The following ARFGAP3 variants were observed in gnomAD, a reference collection of about 807,000 sequenced individuals.
ARFGAP3 encodes the protein ADP-ribosylation factor GTPase-activating protein 3.
Under a neutral mutation model 75.0 loss-of-function variants are expected in ARFGAP3, and 72 were observed. The ratio of observed to expected loss-of-function variants is 0.96; its 90% confidence interval spans 0.79 to 1.17. The LOEUF (loss-of-function observed/expected upper bound fraction) is 1.17, where lower values mean the gene tolerates loss of function less well. Ranked by LOEUF, ARFGAP3 falls within the 50% of genes most tolerant of loss-of-function variation. The pLI is 0.00. For missense variants in ARFGAP3, 620 were observed against 626.6 expected (o/e 0.99, Z 0.11); for synonymous variants, 221 against 217.9 (o/e 1.01, Z -0.13).
chr22:42,817,100 C>T (rs1029585348), intron 11 of ARFGAP3, 42 bp downstream of exon 11: 9 of 1,377,886 alleles, frequency 6.5e-6, no homozygotes, highest in Non-Finnish European at 9.3e-6. Flanking sequence ...CTAGTCACTG[C>T]TTTTCAAAAT....
intron 3 of ARFGAP3, among the ~76,000 whole-genome samples, chr22:42,837,259 C>T (rs5758975): frequency 0.65 from 99,244 of 151,954 alleles, 34,243 homozygotes; most frequent in African/African-American, 0.87. Context: ...GCCAGGAATT[C>T]GAGACCAACC....
At position 42,808,850 on chromosome 22, in the gene ARFGAP3, T is replaced by C; in HGVS notation, c.1237A>G (p.Asn413Asp). Residue 413 changes from asparagine to aspartate, a missense_variant, in exon 13 of 16, where the codon AAT (asparagine) becomes GAT (aspartate). Physicochemically the swap from Asn to Asp is conservative, Grantham distance 23. Coordinates refer to ENST00000263245, the MANE Select transcript of ARFGAP3 (RefSeq NM_014570.5). ...AACTTCTTCTGGGCCTCATCTGTAT[T>C]TTCAACTGGCTCATAATCTGGCTTG... Reference protein sequence around the residue: ...RRKPDYEPVENTDEAQKKFGN... With the variant: ...RRKPDYEPVEDTDEAQKKFGN... The C allele has an allele frequency of 6.2e-7, 1 of 1,613,476 alleles. No homozygotes were observed. The highest frequency in any genetic ancestry group is 8.5e-7 in the Non-Finnish European group (1 of 1,179,626).
intron 8 of ARFGAP3, 74 bp from the exon 9 acceptor site, chr22:42,822,483 G>A: frequency 1.3e-6 from 2 of 1,550,458 alleles, no homozygotes. Flanking sequence ...CATTTCCTAA[G>A]GGTTAGGACC....
intron 13 of ARFGAP3, 25 bp downstream of exon 13, chr22:42,808,742 C>T (rs1380580222): frequency 6.3e-7 from 1 of 1,579,250 alleles, no homozygotes; most frequent in Admixed American, 1.7e-5. Context: ...TATGGGGCAC[C>T]CAAAGAAACT....
chr22:42,826,970 C>A lies in ARFGAP3; in HGVS notation c.595G>T (p.Gly199Cys). 2 of 1,613,528 alleles carry A rather than the reference C, an allele frequency of 1.2e-6. No individual in the cohort carries two copies. The highest frequency in any genetic ancestry group is 1.7e-6 in the Non-Finnish European group (2 of 1,179,826). Reference protein sequence around the residue: ...GGQEQGPSVEGLNVPTKATLE... With the variant: ...GGQEQGPSVECLNVPTKATLE... ...GTAGCCTTTGTTGGTACATTAAGAC[C>A]TTCCACACTTGGTCCTTGCTCTTGT... is the stretch of plus-strand genomic sequence containing the variant. The change falls in exon 7 of 16, where the codon GGT (glycine) becomes TGT (cysteine). Residue 199 changes from glycine (G) to cysteine (C), a missense_variant. Gly to Cys is a radical substitution (Grantham distance 159). Transcript: ENST00000263245.
chr22:42,828,556 CAA>C (rs796782607), intron 6 of ARFGAP3, among the ~76,000 whole-genome samples: 2 of 137,690 alleles, frequency 1.5e-5, no homozygotes, highest in Non-Finnish European at 1.6e-5. Context: ...AACTCTGTCT[CAA>C]AAAAAAAAAA....
At chr22:42,845,684 T>C (rs1319889324) in intron 2 of ARFGAP3, among the ~76,000 whole-genome samples, 1 of 152,040 alleles carries the variant, frequency 6.6e-6, no homozygotes, top group Non-Finnish European at 1.5e-5. Flanking sequence ...TGAACAAAAA[T>C]TAATTCAAAA....
chr22:42,805,127 C>T (rs1040666701), intron 14 of ARFGAP3, among the ~76,000 whole-genome samples: 1 of 152,014 alleles, frequency 6.6e-6, no homozygotes, highest in Admixed American at 6.6e-5. Flanking sequence ...TCTGGGTGGC[C>T]TCTCACCCCA....
intron 1 of ARFGAP3, among the ~76,000 whole-genome samples, chr22:42,856,761 G>A (rs1396307197): frequency 6.6e-6 from 1 of 151,674 alleles, no homozygotes; most frequent in East Asian, 1.9e-4. Context: ...TTTCCGAGCC[G>A]GGAGCTCCCT....
At position 42,822,425 on chromosome 22, in the gene ARFGAP3, G is replaced by A; in HGVS notation, c.673-16C>T. 1.2e-6 allele frequency: 2 copies of A among 1,611,782 alleles called. No homozygotes were observed. The highest frequency in any genetic ancestry group is 2.2e-5 in the South Asian group (2 of 90,814). On this transcript the variant is annotated splice_polypyrimidine_tract_variant and intron_variant, in intron 8 of 15. Coordinates refer to ENST00000263245, the MANE Select transcript of ARFGAP3 (RefSeq NM_014570.5). ...TGGCCCCAAGCTAGAACATATATAAGACTATAGTCTACACGAGCTGTTTGA... is the reference window on the plus strand; with the variant it reads ...TGGCCCCAAGCTAGAACATATATAAAACTATAGTCTACACGAGCTGTTTGA...
At position 42,847,574 on chromosome 22, in the gene ARFGAP3, A is replaced by G. The variant is rs766838600; in HGVS notation, c.128T>C (p.Phe43Ser). ...GGACCCTGAGCAATCAATGCAAAGG[A>G]ACACTCCATAGGTTATGCTTGCCCA... ...PSWASITYGV[F>S]LCIDCSGSHR... is the part of the protein sequence containing the mutation. The change falls in exon 2 of 16, where the codon TTC becomes TCC. Residue 43 changes from phenylalanine (F) to serine (S), a missense_variant. Phe to Ser is a radical substitution (Grantham distance 155, BLOSUM62 -2). Coordinates refer to ENST00000263245, the MANE Select transcript of ARFGAP3 (RefSeq NM_014570.5). 39 of 1,613,916 alleles carry G rather than the reference A, an allele frequency of 2.4e-5. No homozygotes were observed. Among genetic ancestry groups the G allele is most frequent in the Admixed American group, 1.0e-4 (6 of 59,982 alleles).
At chr22:42,847,988 C>T (rs1927097523) in intron 1 of ARFGAP3, among the ~76,000 whole-genome samples, 2 of 151,494 alleles carry the variant, frequency 1.3e-5, no homozygotes, top group Non-Finnish European at 2.9e-5. Context: ...CCTCAGCCTC[C>T]GGAGTAGCTG....
intron 13 of ARFGAP3, among the ~76,000 whole-genome samples, chr22:42,807,774 C>T (rs531929985): frequency 2.2e-4 from 34 of 151,856 alleles, no homozygotes; most frequent in Non-Finnish European, 4.3e-4. Context: ...CAAGACTTCA[C>T]TATGATGAGT....
Position 42,807,079 on chromosome 22 carries a change from G to T in ARFGAP3, c.1405C>A (p.Pro469Thr). The T allele has an allele frequency of 6.2e-7, 1 of 1,610,226 alleles. No homozygotes were observed. The highest frequency in any genetic ancestry group is 8.5e-7 in the Non-Finnish European group (1 of 1,178,362). Residue 469 changes from proline to threonine, a missense_variant, in exon 14 of 16, where the codon CCA becomes ACA. Physicochemically the swap from Pro to Thr is conservative, Grantham distance 38 (BLOSUM62 -1). Coordinates refer to ENST00000263245, the MANE Select transcript of ARFGAP3 (RefSeq NM_014570.5). ...CTTGTTCAGTGCCCCCTACCTGCTG[G>T]CTGCTTCCTCGGCTCCTCGAACAGA... is the stretch of plus-strand genomic sequence containing the variant. ...ADLFEEPRKQ[P>T]AGNYSLSSVL... is the part of the protein sequence containing the mutation.
intron 5 of ARFGAP3, among the ~76,000 whole-genome samples, chr22:42,833,988 G>A (rs968581881): frequency 2.6e-5 from 4 of 152,202 alleles, no homozygotes; most frequent in East Asian, 1.9e-4. Flanking sequence ...TAATCTGGGA[G>A]AGTCTTAAAC....
intron 7 of ARFGAP3, 48 bp downstream of exon 7, chr22:42,826,892 A>C: frequency 6.5e-7 from 1 of 1,537,418 alleles, no homozygotes; most frequent in South Asian, 1.2e-5. Context: ...TTTTTTTCTT[A>C]ATGAGTCATA....
intron 11 of ARFGAP3, among the ~76,000 whole-genome samples, chr22:42,812,896 G>C (rs993489585): frequency 1.3e-5 from 2 of 152,234 alleles, no homozygotes; most frequent in Non-Finnish European, 2.9e-5. Flanking sequence ...CCCTATGGCG[G>C]ATGAGTGGAT....
At chr22:42,798,462 C>A (rs925098164) in intron 15 of ARFGAP3, among the ~76,000 whole-genome samples, 2 of 152,254 alleles carry the variant, frequency 1.3e-5, no homozygotes, top group Non-Finnish European at 2.9e-5. Context: ...CCACTCATAT[C>A]GTCACAGATG....
chr22:42,810,992 C>T (rs750010334), intron 11 of ARFGAP3, 48 bp from the exon 12 acceptor site: 2 of 1,600,088 alleles, frequency 1.2e-6, no homozygotes, highest in Non-Finnish European at 1.7e-6. Context: ...CTTGTTGACA[C>T]TCGTCCTGGG....
Sources: allele counts gnomAD v4.1 joint callset (sites outside exome capture counted in the v4.1 genomes callset), GRCh38; gene constraint gnomAD v4.1.1; transcripts MANE v1.5; gene names NCBI Gene and HGNC (gene_info 2026-07-23, HGNC 2026-07-21).